SRGAP2C: variants seen among roughly 807,000 people sequenced by gnomAD.
The protein encoded by SRGAP2C is SLIT-ROBO Rho GTPase activating protein 2C.
A neutral mutation model predicts 25.1 loss-of-function variants in SRGAP2C; 15 were observed. The ratio of observed to expected loss-of-function variants is 0.60; its 90% CI spans 0.40 to 0.92. The LOEUF (loss-of-function observed/expected upper bound fraction) is 0.92. Among genes scored for constraint, SRGAP2C ranks in the 40% least tolerant of loss-of-function variants. SRGAP2C has a pLI of 0.00. For synonymous variants in SRGAP2C, 44 were observed against 96.6 expected (o/e 0.46, Z 3.19); for missense variants, 144 against 264.4 (o/e 0.54, Z 3.16).
intron 2 of SRGAP2C, among the ~76,000 whole-genome samples, chr1:121,281,438 T>A (rs1657240080): frequency 6.7e-6 from 1 of 148,276 alleles, no homozygotes; most frequent in Admixed American, 6.8e-5. Flanking sequence ...TTCTTCCTCT[T>A]CCTCTTCTTC....
chr1:121,375,018 A>T (rs1659604488), intron 7 of SRGAP2C, 64 bp downstream of exon 7: 7 of 736,024 alleles, frequency 9.5e-6, no homozygotes, highest in South Asian at 8.6e-5. Flanking sequence ...CTCGTCAGAC[A>T]TTCCCGATAC....
rs1383394582 is a variant in SRGAP2C at position 121,338,880 on chromosome 1, CA to C, written c.423+14242del. 3.5e-5 allele frequency among the ~76,000 whole-genome samples: 5 copies of C among 141,700 alleles called. No individual in the cohort carries two copies. The South Asian group carries it at 7.1e-4, about 20-fold the overall frequency. 93.0% of individuals were successfully genotyped at this position (141,700 alleles called of 152,430 possible). On this transcript the variant is annotated intron_variant, in intron 4 of 9. Coordinates refer to ENST00000367123, the MANE Select transcript of SRGAP2C (RefSeq NM_001329984.2). ...AAAACCCTTCAGCTTAGGGTTTTTTCAATTGTTAAAGTAATACTGAGCTTCA... is the reference window on the plus strand; with the variant it reads ...AAAACCCTTCAGCTTAGGGTTTTTTCATTGTTAAAGTAATACTGAGCTTCA...
At chr1:121,253,945 CT>C (rs1250045763) in intron 2 of SRGAP2C, among the ~76,000 whole-genome samples, 1 of 151,816 alleles carries the variant, frequency 6.6e-6, no homozygotes, top group Non-Finnish European at 1.5e-5. Context: ...TGGAGTCTCA[CT>C]CCGTCACCCA....
At chr1:121,335,437 C>T (rs1658493285) in intron 4 of SRGAP2C, among the ~76,000 whole-genome samples, 1 of 140,694 alleles carries the variant, frequency 7.1e-6, no homozygotes, top group East Asian at 2.1e-4. Flanking sequence ...TAAATGCCAT[C>T]CAATGAATTT....
chr1:121,238,786 T>A (rs1656021204), intron 2 of SRGAP2C, among the ~76,000 whole-genome samples: 1 of 145,510 alleles, frequency 6.9e-6, no homozygotes, highest in Non-Finnish European at 1.5e-5. Context: ...GCTATTTTTT[T>A]TTTTTTTTTT....
intron 2 of SRGAP2C, among the ~76,000 whole-genome samples, chr1:121,204,294 T>C (rs1205422766): frequency 6.6e-6 from 1 of 151,870 alleles, no homozygotes; most frequent in Non-Finnish European, 1.5e-5. Flanking sequence ...GTTGTCTCAA[T>C]TTCCTTATCA....
intron 3 of SRGAP2C, among the ~76,000 whole-genome samples, chr1:121,298,166 A>G (rs1277085878): frequency 6.9e-6 from 1 of 144,678 alleles, no homozygotes; most frequent in African/African-American, 2.5e-5. Context: ...GTCAGTCCCT[A>G]TAAAAACTCA....
chr1:121,253,992 A>T (rs1212025280), intron 2 of SRGAP2C, among the ~76,000 whole-genome samples: 1 of 151,658 alleles, frequency 6.6e-6, no homozygotes, highest in Non-Finnish European at 1.5e-5. Context: ...GGCTCTCTGC[A>T]GTCTCAACCT....
chr1:121,286,166 T>G (rs1657361188), intron 3 of SRGAP2C, among the ~76,000 whole-genome samples: 1 of 150,900 alleles, frequency 6.6e-6, no homozygotes, highest in Non-Finnish European at 1.5e-5. Context: ...GGAGTTAATC[T>G]TCCTGGAACA....
At chr1:121,210,317 TAAAA>T (rs199765258) in intron 2 of SRGAP2C, among the ~76,000 whole-genome samples, 1 of 139,698 alleles carries the variant, frequency 7.2e-6, no homozygotes, top group Non-Finnish European at 1.5e-5. Flanking sequence ...ATCAGCGCTT[TAAAA>T]AAAAAAAAAA....
chr1:121,287,668 C>T (rs1657400314), intron 3 of SRGAP2C, among the ~76,000 whole-genome samples: 1 of 152,212 alleles, frequency 6.6e-6, no homozygotes, highest in Admixed American at 6.5e-5. Context: ...GGTACTTGGT[C>T]TCACTGACTT....
rs1234857161 is a variant in SRGAP2C, at chr1:121,282,578, G to A, written c.68-2225G>A. The stretch of plus-strand genomic sequence containing the variant: ...CTTTTTTTTGTTGTTTGTTTGAGAC[G>A]GAGTCTCGCTCTGTCGCCCAGGCTG... On this transcript the variant is annotated intron_variant, in intron 2 of 9. Transcript: ENST00000367123. 1.3e-3 allele frequency among the ~76,000 whole-genome samples: 191 copies of A among 151,866 alleles called. 1 individual carries two copies. Among genetic ancestry groups the A allele is most frequent in the Middle Eastern group, 6.8e-3 (2 of 294 alleles).
At chr1:121,371,052 G>T (rs1659474118) in intron 5 of SRGAP2C, among the ~76,000 whole-genome samples, 1 of 152,122 alleles carries the variant, frequency 6.6e-6, no homozygotes, top group African/African-American at 2.4e-5. Context: ...GTTTTTCAAA[G>T]TAAAGTGGAA....
At chr1:121,304,046 A>G (rs1657762511) in intron 3 of SRGAP2C, among the ~76,000 whole-genome samples, 1 of 88,022 alleles carries the variant, frequency 1.1e-5, no homozygotes. Context: ...CTACTAAAAA[A>G]TACAAAAAAA....
Position 121,188,339 on chromosome 1 carries a change from T to C in SRGAP2C, c.67+826T>C, listed in dbSNP as rs191016516. On this transcript the variant is annotated intron_variant, in intron 2 of 9. Transcript: ENST00000367123. ...TAGGAGAAACCAAGGACCTGTCTTC[T>C]CATCTAGTCGACTGACTTGACTCAT... is the stretch of plus-strand genomic sequence containing the variant. Among the ~76,000 whole-genome samples the C allele has an allele frequency of 1.7e-4, 26 of 152,336 alleles. No homozygotes were observed. The East Asian group carries it at 5.0e-3, about 29-fold the overall frequency.
chr1:121,284,921 CT>C lies in SRGAP2C; in HGVS notation c.187del (p.Tyr63ThrfsTer41). 2 of 1,545,332 alleles carry C rather than the reference CT, an allele frequency of 1.3e-6. No individual in the cohort carries two copies. The highest frequency in any genetic ancestry group is 1.2e-5 in the South Asian group (1 of 83,840). On this transcript the variant is annotated frameshift_variant, in exon 3 of 10. Coordinates refer to ENST00000367123, the MANE Select transcript of SRGAP2C (RefSeq NM_001329984.2). LOFTEE classifies it high-confidence loss of function. ...GAAAGAAGGCAGAGATTGAGATGGA[CT>C]ACTCCCGCAACCTGGAGAAGCTGGC... is the stretch of plus-strand genomic sequence containing the variant. ...FRKKAEIEMD[Y>X]SRNLEKLAEH... is the part of the protein sequence containing the mutation.
intron 7 of SRGAP2C, among the ~76,000 whole-genome samples, chr1:121,375,487 C>A (rs1200956131): frequency 6.6e-6 from 1 of 150,958 alleles, no homozygotes. Context: ...CCATGCCCAG[C>A]TAATTTTTGT....
At chr1:121,187,934 T>C (rs1381545977) in intron 2 of SRGAP2C, among the ~76,000 whole-genome samples, 1 of 152,054 alleles carries the variant, frequency 6.6e-6, no homozygotes, top group Non-Finnish European at 1.5e-5. Context: ...AAAGGCAACC[T>C]TGGGAAGGTG....
At chr1:121,367,044 G>T (rs1553349628) in intron 5 of SRGAP2C, among the ~76,000 whole-genome samples, 1 of 150,060 alleles carries the variant, frequency 6.7e-6, no homozygotes. Flanking sequence ...ACCTCTGACT[G>T]CAGACTTAAG....
Sources: gnomAD v4.1 joint callset for allele counts (sites outside exome capture counted in the v4.1 genomes callset) on GRCh38, gnomAD v4.1.1 for gene constraint, MANE v1.5 for transcripts, NCBI Gene and HGNC (gene_info 2026-07-23, HGNC 2026-07-21) for gene names.